SRBD1: variants seen among roughly 807,000 people sequenced by gnomAD.
SRBD1 encodes S1 RNA-binding domain-containing protein 1.
SRBD1 carries 88 observed loss-of-function variants against 115.3 expected under a neutral mutation model. That is an observed-to-expected ratio of 0.76 (90% CI 0.64 to 0.91). The LOEUF is 0.91. SRBD1 is among the 40% of genes least tolerant of loss of function. The pLI is 0.00. For missense variants in SRBD1, 1,385 were observed against 1,177.4 expected, an observed-to-expected ratio of 1.18 and a Z score of -2.58; for synonymous variants, 509 against 407.7, an observed-to-expected ratio of 1.25 and a Z score of -2.99.
intron 16 of SRBD1, among the ~76,000 whole-genome samples, chr2:45,432,970 A>AT (rs1668385373): frequency 1.3e-5 from 2 of 152,118 alleles, no homozygotes; most frequent in South Asian, 4.1e-4. Flanking sequence ...AACAACTATT[A>AT]TTTTTTTAAA....
At chr2:45,411,196 G>T (rs1468880908) in intron 19 of SRBD1, among the ~76,000 whole-genome samples, 1 of 152,104 alleles carries the variant, frequency 6.6e-6, no homozygotes, top group Non-Finnish European at 1.5e-5. Flanking sequence ...ACGTCTGCTG[G>T]ATAATCTGCT....
At chr2:45,557,528 T>C (rs1023909045) in intron 10 of SRBD1, among the ~76,000 whole-genome samples, 1 of 152,342 alleles carries the variant, frequency 6.6e-6, no homozygotes, top group Non-Finnish European at 1.5e-5. Context: ...GTCTATTTAA[T>C]ACTTGAGGAT....
intron 12 of SRBD1, among the ~76,000 whole-genome samples, chr2:45,550,847 T>C (rs546044872): frequency 1.3e-5 from 2 of 152,178 alleles, no homozygotes; most frequent in African/African-American, 2.4e-5. Flanking sequence ...TAGAATCTGA[T>C]GGGGAATTAA....
intron 14 of SRBD1, among the ~76,000 whole-genome samples, chr2:45,524,988 T>C (rs940617056): frequency 6.6e-6 from 1 of 151,974 alleles, no homozygotes; most frequent in Non-Finnish European, 1.5e-5. Context: ...TAAACACACA[T>C]GTCTACGGTC....
In SRBD1 at chr2:45,513,659, T is replaced by C. The variant is rs566443831; in HGVS notation, c.1875-25328A>G. Among the ~76,000 whole-genome samples, 7 of 152,240 alleles carry C rather than the reference T, an allele frequency of 4.6e-5. No homozygotes were observed. The East Asian group carries it at 1.3e-3, about 29-fold the overall frequency. ...AGGTCCCTTCAAGAAAATGAGGAGTTAGAGCAGATCTTTGAGGGTATTCTG... is the reference window on the plus strand; with the variant it reads ...AGGTCCCTTCAAGAAAATGAGGAGTCAGAGCAGATCTTTGAGGGTATTCTG... On this transcript the variant is annotated intron_variant, in intron 14 of 20. Transcript: ENST00000263736.
intron 11 of SRBD1, among the ~76,000 whole-genome samples, chr2:45,551,791 G>A (rs989586041): frequency 2.0e-5 from 3 of 152,180 alleles, no homozygotes; most frequent in Non-Finnish European, 4.4e-5. Flanking sequence ...GGTCATGCAT[G>A]TTCTTCTCAA....
chr2:45,397,107 A>G (rs1667168554), intron 19 of SRBD1, among the ~76,000 whole-genome samples: 1 of 152,190 alleles, frequency 6.6e-6, no homozygotes, highest in Non-Finnish European at 1.5e-5. Flanking sequence ...GCAAGAACAC[A>G]TCATTTTAGA....
intron 15 of SRBD1, 34 bp from the exon 16 acceptor site, chr2:45,477,109 T>G: frequency 1.9e-6 from 3 of 1,571,468 alleles, no homozygotes; most frequent in Non-Finnish European, 2.6e-6. Context: ...AAGTATGACT[T>G]AATGTGAAAA....
intron 15 of SRBD1, among the ~76,000 whole-genome samples, chr2:45,481,348 T>G (rs1669957665): frequency 6.6e-6 from 1 of 152,070 alleles, no homozygotes; most frequent in African/African-American, 2.4e-5. Flanking sequence ...AGGTTGAGAA[T>G]GATCAGGCTG....
intron 11 of SRBD1, among the ~76,000 whole-genome samples, chr2:45,552,496 C>A (rs1672333591): frequency 1.3e-5 from 2 of 151,858 alleles, no homozygotes; most frequent in South Asian, 4.1e-4. Flanking sequence ...CTACTCAAAT[C>A]AAAAATATAT....
intron 16 of SRBD1, among the ~76,000 whole-genome samples, chr2:45,439,396 C>CAT (rs3047189): frequency 9.5e-4 from 140 of 146,806 alleles, no homozygotes; most frequent in South Asian, 4.1e-3. Context: ...TTGATGAATG[C>CAT]ATATATATAT....
At chr2:45,580,097 G>T in intron 6 of SRBD1, 84 bp from the exon 7 acceptor site, 1 of 1,155,344 alleles carries the variant, frequency 8.7e-7, no homozygotes, top group Non-Finnish European at 1.2e-6. Context: ...AGGACATGCT[G>T]AGAATGCTAA....
chr2:45,543,120 C>T lies in SRBD1; in HGVS notation c.1874+3612G>A, dbSNP rs114150098. ...CTGTAGAATTTTTCACGAACATTTT[C>T]AACTTTCATTTTTTCATGAACATTT... On this transcript the variant is annotated intron_variant, in intron 14 of 20. Coordinates refer to ENST00000263736, the MANE Select transcript of SRBD1 (RefSeq NM_018079.5). Among the ~76,000 whole-genome samples, 855 of 152,288 alleles carry T rather than the reference C, an allele frequency of 5.6e-3. 8 individuals are homozygous for T. The highest frequency in any genetic ancestry group is 0.019 in the African/African-American group (799 of 41,554).
intron 16 of SRBD1, among the ~76,000 whole-genome samples, chr2:45,445,550 T>TAAAA (rs59451865): frequency 0.031 from 1,158 of 36,956 alleles, 79 homozygotes; most frequent in Non-Finnish European, 0.048. Context: ...TTCCCAGAGG[T>TAAAA]AAAAAAAAAA....
At chr2:45,547,979 G>A (rs1351702278) in intron 12 of SRBD1, among the ~76,000 whole-genome samples, 2 of 152,132 alleles carry the variant, frequency 1.3e-5, no homozygotes, top group East Asian at 3.9e-4. Flanking sequence ...TCTGGTTGTA[G>A]ATACATGACT....
intron 14 of SRBD1, among the ~76,000 whole-genome samples, chr2:45,523,618 C>T (rs1671354540): frequency 6.6e-6 from 1 of 151,464 alleles, no homozygotes; most frequent in African/African-American, 2.4e-5. Flanking sequence ...TGGAAAGACA[C>T]AAACTACCAA....
At chr2:45,425,535 G>A (rs1417627879) in intron 16 of SRBD1, among the ~76,000 whole-genome samples, 7 of 152,178 alleles carry the variant, frequency 4.6e-5, no homozygotes, top group Admixed American at 6.5e-5. Context: ...CAAGATGGCC[G>A]AATAGGAACA....
chr2:45,502,033 A>AC (rs1178758722), intron 14 of SRBD1, among the ~76,000 whole-genome samples: 1 of 151,914 alleles, frequency 6.6e-6, no homozygotes, highest in Non-Finnish European at 1.5e-5. Flanking sequence ...ACTGGGAGGC[A>AC]CCCCCCAGTA....
intron 18 of SRBD1, among the ~76,000 whole-genome samples, chr2:45,417,429 C>T (rs968821640): frequency 5.9e-5 from 9 of 152,130 alleles, no homozygotes; most frequent in Admixed American, 5.2e-4. Flanking sequence ...GATTTCAGAC[C>T]TTATTCTGTG....
Sources: allele counts gnomAD v4.1 joint callset (sites outside exome capture counted in the v4.1 genomes callset), GRCh38; gene constraint gnomAD v4.1.1; transcripts MANE v1.5; gene names NCBI Gene and HGNC (gene_info 2026-07-23, HGNC 2026-07-21).